FIG4: variants seen among roughly 807,000 people sequenced by gnomAD.
FIG4 encodes polyphosphoinositide phosphatase.
A neutral mutation model predicts 118.6 loss-of-function variants in FIG4; 112 were observed. That is an observed-to-expected ratio of 0.94 (90% confidence interval 0.81 to 1.11). FIG4 has a LOEUF of 1.11. FIG4 is among the 50% of genes least tolerant of loss of function. The pLI, the probability that FIG4 is intolerant of heterozygous loss-of-function variation, is 0.00. For synonymous variants in FIG4, 369 were observed against 381.2 expected, an observed-to-expected ratio of 0.97 and a Z score of 0.37; for missense variants, 969 against 1,111.7, an observed-to-expected ratio of 0.87 and a Z score of 1.83.
At chr6:109,695,933 G>A (rs923700135) in intron 1 of FIG4, among the ~76,000 whole-genome samples, 4 of 152,160 alleles carry the variant, frequency 2.6e-5, no homozygotes, top group African/African-American at 4.8e-5. Context: ...GATGTCTATG[G>A]TGTTGGCTCT....
intron 3 of FIG4, among the ~76,000 whole-genome samples, chr6:109,725,710 C>T (rs527676612): frequency 1.3e-5 from 2 of 152,278 alleles, no homozygotes; most frequent in South Asian, 4.1e-4. Flanking sequence ...AACTAATTTC[C>T]ACCAACAGTG....
chr6:109,769,403 G>C (rs1242550379), intron 15 of FIG4, among the ~76,000 whole-genome samples: 2 of 152,140 alleles, frequency 1.3e-5, no homozygotes, highest in African/African-American at 4.8e-5. Flanking sequence ...ACCGTGAAAG[G>C]AATGATTTTA....
intron 10 of FIG4, among the ~76,000 whole-genome samples, chr6:109,753,965 T>G (rs1776797094): frequency 6.6e-6 from 1 of 152,194 alleles, no homozygotes; most frequent in African/African-American, 2.4e-5. Flanking sequence ...AGCCAGAACT[T>G]CCAACACTAT....
chr6:109,785,449 G>C (rs1168304087), intron 17 of FIG4, among the ~76,000 whole-genome samples: 2 of 152,144 alleles, frequency 1.3e-5, no homozygotes, highest in African/African-American at 4.8e-5. Context: ...AAAAGGTACA[G>C]ATGCATGTAT....
chr6:109,808,473 T>G (rs1457982621), intron 22 of FIG4, among the ~76,000 whole-genome samples: 3 of 152,188 alleles, frequency 2.0e-5, no homozygotes. Context: ...TTAGTATTCT[T>G]TGTGACAAAA....
chr6:109,810,334 A>T (rs1778685422), intron 22 of FIG4, among the ~76,000 whole-genome samples: 1 of 152,218 alleles, frequency 6.6e-6, no homozygotes, highest in Non-Finnish European at 1.5e-5. Context: ...CTGTGGAAAG[A>T]ATTCTAGGCC....
chr6:109,780,839 G>A (rs1469236329), intron 16 of FIG4, among the ~76,000 whole-genome samples: 1 of 152,140 alleles, frequency 6.6e-6, no homozygotes, highest in Non-Finnish European at 1.5e-5. Flanking sequence ...TAAGTACTTC[G>A]ATGACACAAA....
At position 109,791,626 on chromosome 6, in the gene FIG4, T is replaced by C. The variant is rs1778141990; in HGVS notation, c.2376+55T>C. On this transcript the variant is annotated intron_variant, in intron 20 of 22. Coordinates refer to ENST00000230124, the MANE Select transcript of FIG4 (RefSeq NM_014845.6). ...GCCTGAAGCCCTGGAAAATGATCTTTACAACTCCGCTTTCAGTTAAAAGGC... is the reference window on the plus strand; with the variant it reads ...GCCTGAAGCCCTGGAAAATGATCTTCACAACTCCGCTTTCAGTTAAAAGGC... 3 of 1,513,362 alleles carry C rather than the reference T, an allele frequency of 2.0e-6. No homozygotes were observed. In the South Asian group the frequency reaches 3.4e-5, roughly 17 times the overall value. The allele number at this position is 1,513,362 out of a possible 1,614,324, so 93.7% of individuals were successfully genotyped here. A position where few individuals can be genotyped will look rare whatever the true frequency, so the allele number is the denominator to read the frequency against.
intron 21 of FIG4, 129 bp from the exon 22 acceptor site, chr6:109,796,636 T>TAACATAAG (rs1248056498): frequency 2.7e-6 from 2 of 748,960 alleles, no homozygotes; most frequent in African/African-American, 3.4e-5. Flanking sequence ...TTACATACAG[T>TAACATAAG]ACTCTTAGGT....
intron 10 of FIG4, among the ~76,000 whole-genome samples, chr6:109,744,008 G>A (rs1235375580): frequency 2.0e-5 from 3 of 152,090 alleles, no homozygotes; most frequent in African/African-American, 7.2e-5. Flanking sequence ...AGGGAGTAGA[G>A]TGATTCAGTA....
intron 4 of FIG4, among the ~76,000 whole-genome samples, chr6:109,731,688 T>G (rs540282349): frequency 5.9e-5 from 9 of 151,956 alleles, no homozygotes; most frequent in South Asian, 4.1e-4. Context: ...TAATTGAGAG[T>G]GTACAGGAAG....
chr6:109,744,343 T>C (rs1776415695), intron 10 of FIG4, among the ~76,000 whole-genome samples: 1 of 152,142 alleles, frequency 6.6e-6, no homozygotes, highest in African/African-American at 2.4e-5. Context: ...CATATCTATC[T>C]ATATGAATGG....
In FIG4 at chr6:109,765,133, A is replaced by G. The variant is rs374129146; in HGVS notation, c.1555A>G (p.Asn519Asp). Reference sequence around the variant, plus strand: ...TTCACTGGGACTGATTGACAAACCTAATCTACAGTTTGATACAGATGCAGT... The same window carrying G: ...TTCACTGGGACTGATTGACAAACCTGATCTACAGTTTGATACAGATGCAGT... ...LYSLGLIDKPNLQFDTDAVRL... is the reference protein window; with the variant it reads ...LYSLGLIDKPDLQFDTDAVRL... The change falls in exon 14 of 23, where the codon AAT (asparagine) becomes GAT (aspartate). Residue 519 changes from asparagine (N) to aspartate (D), a missense_variant. Physicochemically the swap from Asn to Asp is conservative, Grantham distance 23 (BLOSUM62 1). Transcript: ENST00000230124. The G allele has an allele frequency of 5.0e-6, 8 of 1,613,948 alleles. No homozygotes were observed. Among genetic ancestry groups the G allele is most frequent in the Non-Finnish European group, 5.9e-6 (7 of 1,179,954 alleles).
intron 10 of FIG4, among the ~76,000 whole-genome samples, chr6:109,757,304 G>C (rs575263159): frequency 1.3e-5 from 2 of 152,260 alleles, no homozygotes; most frequent in Admixed American, 6.5e-5. Context: ...ATGCAAGGCT[G>C]GTTCAACATA....
intron 15 of FIG4, among the ~76,000 whole-genome samples, chr6:109,776,061 T>C (rs898197587): frequency 6.6e-6 from 1 of 152,120 alleles, no homozygotes; most frequent in Non-Finnish European, 1.5e-5. Flanking sequence ...CAAACTTCAA[T>C]ATACAGGGCT....
intron 4 of FIG4, among the ~76,000 whole-genome samples, chr6:109,731,784 C>T (rs1365469563): frequency 1.3e-5 from 2 of 151,964 alleles, no homozygotes; most frequent in Admixed American, 6.6e-5. Context: ...TGAGGGAGGA[C>T]CTGAAACCAA....
chr6:109,808,373 A>G (rs1347286886), intron 22 of FIG4, among the ~76,000 whole-genome samples: 155 of 144,228 alleles, frequency 1.1e-3, no homozygotes, highest in African/African-American at 3.5e-3. Context: ...AAAAAAAAAA[A>G]AGAGAGAAGA....
intron 22 of FIG4, among the ~76,000 whole-genome samples, chr6:109,802,074 A>G (rs1369537473): frequency 6.6e-6 from 1 of 152,230 alleles, no homozygotes; most frequent in African/African-American, 2.4e-5. Flanking sequence ...AGAGCTCCTC[A>G]GCCCAAGGAA....
At chr6:109,809,254 GA>G (rs1313699106) in intron 22 of FIG4, among the ~76,000 whole-genome samples, 6 of 152,186 alleles carry the variant, frequency 3.9e-5, no homozygotes, top group Admixed American at 2.0e-4. Context: ...TGCAAAAGCA[GA>G]TTTGAGAATC....
Sources: gnomAD v4.1 joint callset for allele counts (sites outside exome capture counted in the v4.1 genomes callset) on GRCh38, gnomAD v4.1.1 for gene constraint, MANE v1.5 for transcripts, NCBI Gene and HGNC (gene_info 2026-07-23, HGNC 2026-07-21) for gene names.